Variants in ERP44 observed in about 807,000 individuals in gnomAD.
ERP44 encodes endoplasmic reticulum protein 44.
Under a neutral mutation model 53.4 loss-of-function variants are expected in ERP44, and 25 were observed. The ratio of observed to expected loss-of-function variants is 0.47; its 90% CI spans 0.34 to 0.65. ERP44 has a LOEUF of 0.65. Among genes scored for constraint, ERP44 ranks in the 30% least tolerant of loss-of-function variants. ERP44 has a pLI of 0.01. For missense variants in ERP44, 338 were observed against 493.2 expected (o/e 0.69, Z 2.98); for synonymous variants, 145 against 161.2 (o/e 0.90, Z 0.76).
chr9:100,037,460 A>G (rs1293408468), intron 4 of ERP44, among the ~76,000 whole-genome samples: 2 of 152,122 alleles, frequency 1.3e-5, no homozygotes, highest in Admixed American at 6.6e-5. Flanking sequence ...CTGGACTCAG[A>G]GCCAATGGAC....
intron 8 of ERP44, among the ~76,000 whole-genome samples, chr9:100,012,223 TG>T (rs1268619451): frequency 6.6e-6 from 1 of 152,194 alleles, no homozygotes; most frequent in African/African-American, 2.4e-5. Context: ...TTTTAAAATA[TG>T]GCATTGCATT....
At chr9:99,990,852 C>G (rs546888965) in intron 10 of ERP44, among the ~76,000 whole-genome samples, 1 of 152,210 alleles carries the variant, frequency 6.6e-6, no homozygotes, top group Non-Finnish European at 1.5e-5. Context: ...AAAAAAAAAG[C>G]AGGGGTTGCA....
chr9:100,039,872 T>G (rs1825884109), intron 4 of ERP44, among the ~76,000 whole-genome samples: 1 of 152,150 alleles, frequency 6.6e-6, no homozygotes, highest in Non-Finnish European at 1.5e-5. Flanking sequence ...CTAAGGATCA[T>G]TAGCAGCTAC....
chr9:100,069,111 T>C (rs1373384985), intron 1 of ERP44, among the ~76,000 whole-genome samples: 1 of 151,872 alleles, frequency 6.6e-6, no homozygotes, highest in East Asian at 1.9e-4. Context: ...TTAAGAGTCA[T>C]CACCACTCCC....
chr9:100,059,648 A>C (rs1826121411), intron 2 of ERP44, among the ~76,000 whole-genome samples: 1 of 152,158 alleles, frequency 6.6e-6, no homozygotes. Context: ...CTATAATATT[A>C]TCATGCCACT....
chr9:100,082,540 T>C (rs1043202883), intron 1 of ERP44, among the ~76,000 whole-genome samples: 4 of 151,952 alleles, frequency 2.6e-5, no homozygotes, highest in Non-Finnish European at 4.4e-5. Flanking sequence ...TGAAAAAACA[T>C]ATACAGTCGT....
Position 100,075,645 on chromosome 9 carries a change from A to G in ERP44, c.58-15473T>C, listed in dbSNP as rs138041856. On this transcript the variant is annotated intron_variant, in intron 1 of 11. Coordinates refer to ENST00000262455, the MANE Select transcript of ERP44 (RefSeq NM_015051.3). The stretch of plus-strand genomic sequence containing the variant: ...CTTAAATTTAGGGACGTTCTAACTC[A>G]GTAAAATTTCTAGGGTTTCAGTGGT... Among the ~76,000 whole-genome samples the G allele has an allele frequency of 2.1e-3, 318 of 152,358 alleles. 1 individual carries two copies. The highest frequency in any genetic ancestry group is 7.3e-3 in the African/African-American group (304 of 41,582).
At chr9:99,992,986 A>G (rs1461536271) in intron 10 of ERP44, among the ~76,000 whole-genome samples, 1 of 152,234 alleles carries the variant, frequency 6.6e-6, no homozygotes, top group Non-Finnish European at 1.5e-5. Context: ...AAGGAGAACT[A>G]CAAACCACTG....
chr9:100,068,420 C>G (rs190714184), intron 1 of ERP44, among the ~76,000 whole-genome samples: 17,983 of 90,418 alleles, frequency 0.2, 2,485 homozygotes, highest in Middle Eastern at 0.42. Flanking sequence ...GCCGGGCCAG[C>G]CGCCCCGTCC....
At chr9:100,074,828 T>C (rs1826338726) in intron 1 of ERP44, among the ~76,000 whole-genome samples, 1 of 152,134 alleles carries the variant, frequency 6.6e-6, no homozygotes, top group African/African-American at 2.4e-5. Context: ...GGAGGTCAGG[T>C]AGTTAATGGA....
intron 10 of ERP44, among the ~76,000 whole-genome samples, chr9:99,987,011 AGTAT>A (rs1321854333): frequency 6.6e-6 from 1 of 152,240 alleles, no homozygotes; most frequent in Admixed American, 6.5e-5. Flanking sequence ...CAACTAATAC[AGTAT>A]GAACTGCTTC....
In ERP44 at chr9:100,060,319, C is replaced by A. The variant is rs1251760459; in HGVS notation, c.58-147G>T. 7 of 946,450 alleles carry A rather than the reference C, an allele frequency of 7.4e-6. No homozygotes were observed. In the East Asian group the frequency reaches 1.5e-4, roughly 21 times the overall value. The allele number at this position is 946,450 out of a possible 1,614,324, so 58.6% of individuals were successfully genotyped here. ...TTGAATCTTTATTATCTAGTCTAAT[C>A]TTTTACTAGATAAATGAAATAGGAG... On this transcript the variant is annotated intron_variant, in intron 1 of 11. Transcript: ENST00000262455.
intron 3 of ERP44, among the ~76,000 whole-genome samples, chr9:100,056,628 A>C (rs532612743): frequency 6.6e-6 from 1 of 152,220 alleles, no homozygotes; most frequent in Admixed American, 6.5e-5. Context: ...ATCCAGGAAG[A>C]TAACCTGAAG....
At chr9:100,076,781 G>A (rs1252086299) in intron 1 of ERP44, among the ~76,000 whole-genome samples, 4 of 152,186 alleles carry the variant, frequency 2.6e-5, no homozygotes, top group African/African-American at 7.2e-5. Context: ...GGGTGACTTC[G>A]GCAGAGGAGG....
chr9:99,986,258 G>C (rs1163971927), intron 10 of ERP44, among the ~76,000 whole-genome samples: 1 of 152,106 alleles, frequency 6.6e-6, no homozygotes, highest in African/African-American at 2.4e-5. Context: ...GTCTTGCCAA[G>C]CATGTCTTTT....
intron 10 of ERP44, among the ~76,000 whole-genome samples, chr9:99,986,702 C>G (rs1481919468): frequency 6.6e-6 from 1 of 152,170 alleles, no homozygotes; most frequent in African/African-American, 2.4e-5. Flanking sequence ...TGGCTCCCCA[C>G]TAGCTCCAAT....
intron 1 of ERP44, among the ~76,000 whole-genome samples, chr9:100,090,008 T>C (rs1310560902): frequency 6.6e-6 from 1 of 152,158 alleles, no homozygotes. Context: ...ACTAAGTATT[T>C]TACAACATTG....
Position 100,006,536 on chromosome 9 carries a change from A to C in ERP44, c.986T>G (p.Met329Arg). The C allele has an allele frequency of 1.2e-6, 2 of 1,611,108 alleles. No homozygotes were observed. The highest frequency in any genetic ancestry group is 1.7e-6 in the Non-Finnish European group (2 of 1,178,574). ...ATCTTTGAAGTCTCCAAACACATAC[A>C]TATGCCTAAAGCTGTCAATAGCGAT... ...PVIAIDSFRH[M>R]YVFGDFKDVL... The change falls in exon 10 of 12, where the codon ATG becomes AGG. Residue 329 changes from methionine (M) to arginine (R), a missense_variant. Around this residue, in one of 3 missense-constraint regions of ERP44, gnomAD observed 113 missense variants for 172.6 expected, o/e 0.65. Transcript: ENST00000262455.
At chr9:99,998,326 G>A (rs1830336758) in intron 10 of ERP44, 1 of 507,880 alleles carries the variant, frequency 2.0e-6, no homozygotes, top group East Asian at 4.0e-5. Context: ...CCTGTTCTCA[G>A]GATCTGTCCC....
Sources: allele counts gnomAD v4.1 joint callset (sites outside exome capture counted in the v4.1 genomes callset), GRCh38; gene constraint gnomAD v4.1.1; regional missense constraint gnomAD v4.1.1; transcripts MANE v1.5; gene names NCBI Gene and HGNC (gene_info 2026-07-23, HGNC 2026-07-21).